Variants in ZMIZ1 observed in about 807,000 individuals in gnomAD.
ZMIZ1 encodes the protein zinc finger MIZ domain-containing protein 1.
Under a neutral mutation model 113.9 loss-of-function variants are expected in ZMIZ1, and 17 were observed. That is an observed-to-expected ratio of 0.15 (90% CI 0.10 to 0.22). The LOEUF is 0.22. Ranked by LOEUF, ZMIZ1 falls within the 10% of genes least tolerant of loss-of-function variation. ZMIZ1 has a pLI of 1.00. For synonymous variants in ZMIZ1, 607 were observed against 603.1 expected (o/e 1.01, Z -0.09); for missense variants, 1,059 against 1,477.8 (o/e 0.72, Z 4.65).
At chr10:79,157,368 GGTGTGTGTGTGTGTGTGT>G (rs10573955) in intron 3 of ZMIZ1, among the ~76,000 whole-genome samples, 1 of 147,602 alleles carries the variant, frequency 6.8e-6, no homozygotes, top group African/African-American at 2.5e-5. Flanking sequence ...AGGCATAAGG[GGTGTGTGTGTGTGTGTGT>G]GTGTGTGTGT....
chr10:79,313,046 G>C lies in ZMIZ1; in HGVS notation c.*297G>C, dbSNP rs1267077368. 3 of 428,706 alleles carry C rather than the reference G, an allele frequency of 7.0e-6. No individual in the cohort carries two copies. Among genetic ancestry groups the C allele is most frequent in the Non-Finnish European group, 1.3e-5 (3 of 236,034 alleles). 26.6% of individuals were successfully genotyped at this position (428,706 alleles called of 1,614,324 possible). A position where few individuals can be genotyped will look rare whatever the true frequency, so the allele number is the denominator to read the frequency against. On this transcript the variant is annotated 3_prime_UTR_variant, in exon 25 of 25. Coordinates refer to ENST00000334512, the MANE Select transcript of ZMIZ1 (RefSeq NM_020338.4). Reference sequence around the variant, plus strand: ...CTCCCGAGAGGAACCAGCCCGGTAAGAGGGCACACGCTGATGCGGCTTCCC... The same window carrying C: ...CTCCCGAGAGGAACCAGCCCGGTAACAGGGCACACGCTGATGCGGCTTCCC...
chr10:79,235,521 C>T (rs1262905096), intron 7 of ZMIZ1, among the ~76,000 whole-genome samples: 1 of 152,228 alleles, frequency 6.6e-6, no homozygotes, highest in Non-Finnish European at 1.5e-5. Context: ...CCATCCTCAG[C>T]TCATATGCCT....
At chr10:79,234,226 C>T (rs912982958) in intron 7 of ZMIZ1, among the ~76,000 whole-genome samples, 1 of 152,116 alleles carries the variant, frequency 6.6e-6, no homozygotes, top group Non-Finnish European at 1.5e-5. Context: ...TGCCAGGATG[C>T]CAGGACACCA....
chr10:79,279,058 C>A (rs1306029694), intron 8 of ZMIZ1, among the ~76,000 whole-genome samples: 1 of 137,628 alleles, frequency 7.3e-6, no homozygotes, highest in Non-Finnish European at 1.7e-5. Flanking sequence ...GGCGGCCGGG[C>A]GGGGGCTGCC....
intron 1 of ZMIZ1, among the ~76,000 whole-genome samples, chr10:79,109,371 G>A (rs1469162995): frequency 2.6e-5 from 4 of 152,178 alleles, no homozygotes; most frequent in East Asian, 1.9e-4. Flanking sequence ...ACACACACCC[G>A]GTGCCCAGCG....
chr10:79,293,183 G>A (rs543904702), intron 11 of ZMIZ1, among the ~76,000 whole-genome samples, 198 bp from the exon 12 acceptor site: 3 of 139,582 alleles, frequency 2.1e-5, no homozygotes, highest in Admixed American at 7.9e-5. Context: ...TCTCCTGTGC[G>A]GCTGCAGAGG....
At chr10:79,099,631 G>A (rs940110174) in intron 1 of ZMIZ1, among the ~76,000 whole-genome samples, 4 of 152,150 alleles carry the variant, frequency 2.6e-5, no homozygotes, top group Non-Finnish European at 4.4e-5. Flanking sequence ...GCCCTGCTTG[G>A]GACGTCCCAG....
Position 79,296,473 on chromosome 10 carries a change from C to T in ZMIZ1, c.1233C>T (p.Pro411=), listed in dbSNP as rs1260051238. ...CTCTCCTTTCTCTCCCACCACAGCC[C>T]AACTATGGAAACCAGCAATATGGAC... ...QNIKRPYPGE[P]NYGNQQYGPN... is the part of the protein sequence containing the mutation. The change falls in exon 13 of 25, where the codon CCC becomes CCT. Residue 411 remains proline, a splice_region_variant and synonymous_variant. Coordinates refer to ENST00000334512, the MANE Select transcript of ZMIZ1 (RefSeq NM_020338.4). The surrounding 1 kb of genome is among the most constrained non-coding windows in gnomAD (Gnocchi z 4.1). 1 of 1,613,930 alleles carries T rather than the reference C, an allele frequency of 6.2e-7. No homozygotes were observed. The highest frequency in any genetic ancestry group is 8.5e-7 in the Non-Finnish European group (1 of 1,179,924).
chr10:79,139,008 A>G (rs1845144093), intron 2 of ZMIZ1, among the ~76,000 whole-genome samples: 1 of 152,176 alleles, frequency 6.6e-6, no homozygotes, highest in African/African-American at 2.4e-5. Flanking sequence ...AGCACAATCT[A>G]ACTCATCACC....
intron 7 of ZMIZ1, among the ~76,000 whole-genome samples, chr10:79,217,226 A>G (rs1848770557): frequency 6.6e-6 from 1 of 152,206 alleles, no homozygotes; most frequent in East Asian, 1.9e-4. Flanking sequence ...GATCGAGACC[A>G]TCCTGGCTAA....
rs535449146 is a variant in ZMIZ1, at chr10:79,315,916, C to T, written c.*3167C>T. The T allele has an allele frequency of 1.9e-4, 29 of 152,640 alleles. No individual in the cohort carries two copies. Among genetic ancestry groups the T allele is most frequent in the African/African-American group, 7.0e-4 (29 of 41,522 alleles). 9.5% of individuals were successfully genotyped at this position (152,640 alleles called of 1,614,324 possible). A position where few individuals can be genotyped will look rare whatever the true frequency, so the allele number is the denominator to read the frequency against. Reference sequence around the variant, plus strand: ...AAAAACTAGATCCTGTTGGTTATAGCATTTGTGAGTTCTCCACGTCTGTCT... The same window carrying T: ...AAAAACTAGATCCTGTTGGTTATAGTATTTGTGAGTTCTCCACGTCTGTCT... On this transcript the variant is annotated 3_prime_UTR_variant, in exon 25 of 25. Coordinates refer to ENST00000334512, the MANE Select transcript of ZMIZ1 (RefSeq NM_020338.4).
At chr10:79,297,887 A>T (rs1854011266) in intron 14 of ZMIZ1, among the ~76,000 whole-genome samples, 197 bp downstream of exon 14, 1 of 152,102 alleles carries the variant, frequency 6.6e-6, no homozygotes, top group Non-Finnish European at 1.5e-5. Flanking sequence ...GCCCCAGGGT[A>T]AAGTGTCAGC....
At chr10:79,259,949 T>A (rs1486603131) in intron 7 of ZMIZ1, among the ~76,000 whole-genome samples, 1 of 152,028 alleles carries the variant, frequency 6.6e-6, no homozygotes, top group Non-Finnish European at 1.5e-5. Context: ...GTTGTTTTGC[T>A]CCCCCTCTCT....
At chr10:79,120,648 G>A (rs771390919) in intron 2 of ZMIZ1, among the ~76,000 whole-genome samples, 9 of 152,204 alleles carry the variant, frequency 5.9e-5, no homozygotes, top group East Asian at 1.9e-4. Flanking sequence ...TACGGTGGCC[G>A]CAAGGATGAG....
chr10:79,085,103 G>T (rs938168390), intron 1 of ZMIZ1, among the ~76,000 whole-genome samples: 2 of 152,172 alleles, frequency 1.3e-5, no homozygotes, highest in Non-Finnish European at 2.9e-5. Context: ...TCCTGTGGTG[G>T]CCCCAGAGGC....
chr10:79,134,615 A>C lies in ZMIZ1; in HGVS notation c.-226-5067A>C, dbSNP rs191047003. On this transcript the variant is annotated intron_variant, in intron 2 of 24. Coordinates refer to ENST00000334512, the MANE Select transcript of ZMIZ1 (RefSeq NM_020338.4). ...CTGCACTTAGCTAGGCTTTCTCCCA[A>C]CCTGGATTGAGACTTCCCCAGGACT... is the stretch of plus-strand genomic sequence containing the variant. 4.4e-3 allele frequency among the ~76,000 whole-genome samples: 676 copies of C among 152,212 alleles called. 2 individuals are homozygous for C. The highest frequency in any genetic ancestry group is 5.7e-3 in the Non-Finnish European group (385 of 68,026).
chr10:79,295,240 C>G (rs1853806629), intron 12 of ZMIZ1: 1 of 152,284 alleles, frequency 6.6e-6, no homozygotes, highest in Non-Finnish European at 1.5e-5. Context: ...AGCAGAATTC[C>G]TGGTCATTGG....
intron 1 of ZMIZ1, among the ~76,000 whole-genome samples, chr10:79,071,168 G>A (rs1842271095): frequency 6.6e-6 from 1 of 152,160 alleles, no homozygotes; most frequent in Admixed American, 6.5e-5. Context: ...GCTCCGCGCC[G>A]GGTGCAGAGC....
intron 1 of ZMIZ1, among the ~76,000 whole-genome samples, chr10:79,111,097 A>G (rs1843721608): frequency 6.6e-6 from 1 of 152,220 alleles, no homozygotes; most frequent in South Asian, 2.1e-4. Context: ...GCCCATGAGC[A>G]GTCCCCATCA....
Sources: allele counts gnomAD v4.1 joint callset (sites outside exome capture counted in the v4.1 genomes callset), GRCh38; gene constraint gnomAD v4.1.1; non-coding constraint Gnocchi (gnomAD v3.1); transcripts MANE v1.5; gene names NCBI Gene and HGNC (gene_info 2026-07-23, HGNC 2026-07-21).